The following ZNF831 variants were observed in gnomAD, a reference collection of about 807,000 sequenced individuals.
ZNF831 encodes the protein zinc finger protein 831.
Under a neutral mutation model 95.8 loss-of-function variants are expected in ZNF831, and 59 were observed. That is an observed-to-expected ratio of 0.62 (90% CI 0.50 to 0.77). The LOEUF (loss-of-function observed/expected upper bound fraction) is 0.77, where lower values mean the gene tolerates loss of function less well. Among genes scored for constraint, ZNF831 ranks in the 30% least tolerant of loss-of-function variants. ZNF831 has a pLI of 0.00. For synonymous variants in ZNF831, 961 were observed against 925.5 expected (o/e 1.04, Z -0.70); for missense variants, 2,205 against 2,164.0 (o/e 1.02, Z -0.38).
At chr20:59,194,909 T>C (rs950112947) in intron 2 of ZNF831, 152 bp downstream of exon 2, 25 of 1,142,040 alleles carry the variant, frequency 2.2e-5, no homozygotes, top group Non-Finnish European at 2.9e-5. Flanking sequence ...GGATACCACA[T>C]AGACAGCAGG....
At position 59,193,241 on chromosome 20, in the gene ZNF831, G is replaced by A. The variant is rs2146579480; in HGVS notation, c.2222G>A (p.Cys741Tyr). 1 of 1,603,096 alleles carries A rather than the reference G, an allele frequency of 6.2e-7. No individual in the cohort carries two copies. Residue 741 changes from cysteine to tyrosine, a missense_variant, in exon 2 of 6, where the codon TGT becomes TAT. Transcript: ENST00000371030. ...SPALGGRDSP[C>Y]SGSRSPLVSP... ...GCACTGGGTGGCAGAGACAGTCCCT[G>A]TTCAGGCAGTAGGAGCCCCCTGGTC...
intron 1 of ZNF831, among the ~76,000 whole-genome samples, chr20:59,178,764 T>C (rs1982370737): frequency 1.3e-5 from 2 of 152,232 alleles, no homozygotes; most frequent in Admixed American, 6.5e-5. Context: ...CAGGCATGTT[T>C]ACAGTTCATT....
rs1196845849 is a variant in ZNF831 at position 59,257,816 on chromosome 20, T to A, written c.*3073T>A. ...TAGTTAGAGGGATGCTGTCATGAAC[T>A]AAGGGAAGGGCACTGAATTTTTTTT... On this transcript the variant is annotated 3_prime_UTR_variant, in exon 6 of 6. Transcript: ENST00000371030. 6.6e-6 allele frequency: 1 copy of A among 152,200 alleles called. No homozygotes were observed. Among genetic ancestry groups the A allele is most frequent in the East Asian group, 1.9e-4 (1 of 5,196 alleles). The allele number at this position is 152,200 out of a possible 1,614,324, so 9.4% of individuals were successfully genotyped here. A position where few individuals can be genotyped will look rare whatever the true frequency, so the allele number is the denominator to read the frequency against.
intron 1 of ZNF831, among the ~76,000 whole-genome samples, chr20:59,175,803 A>C (rs1982109123): frequency 6.6e-6 from 1 of 152,188 alleles, no homozygotes; most frequent in Non-Finnish European, 1.5e-5. Flanking sequence ...TCGTGGTATG[A>C]CAAATGATTT....
intron 4 of ZNF831, among the ~76,000 whole-genome samples, chr20:59,244,681 A>G (rs1195349165): frequency 6.6e-6 from 1 of 152,238 alleles, no homozygotes. Context: ...ATAAACAAAT[A>G]CAGACAGACA....
chr20:59,148,400 G>GTGAGAGCAA (rs373914735), intron 2 of ZNF831, among the ~76,000 whole-genome samples: 6 of 143,840 alleles, frequency 4.2e-5, no homozygotes, highest in Admixed American at 6.7e-5. Context: ...AGAACAGAGC[G>GTGAGAGCAA]GCCGGGCGCG....
chr20:59,152,292 C>T (rs1243346581), intron 2 of ZNF831, among the ~76,000 whole-genome samples: 1 of 151,194 alleles, frequency 6.6e-6, no homozygotes, highest in Non-Finnish European at 1.5e-5. Flanking sequence ...CACAGGGACT[C>T]TGCTGCTGAG....
At chr20:59,205,053 T>C (rs1364967880) in intron 3 of ZNF831, among the ~76,000 whole-genome samples, 1 of 152,104 alleles carries the variant, frequency 6.6e-6, no homozygotes, top group Admixed American at 6.5e-5. Context: ...GCTCTCTCCT[T>C]GTTATTTTGC....
chr20:59,161,309 G>T (rs186553735), upstream of ZNF831, among the ~76,000 whole-genome samples: 1 of 151,232 alleles, frequency 6.6e-6, no homozygotes, highest in East Asian at 1.9e-4. Context: ...ATGGAGTCCC[G>T]CTCTGTAGTC....
chr20:59,228,288 G>C (rs1246059758), intron 4 of ZNF831, among the ~76,000 whole-genome samples: 1 of 152,132 alleles, frequency 6.6e-6, no homozygotes, highest in Non-Finnish European at 1.5e-5. Flanking sequence ...ATCTTGCTGG[G>C]TTTGCTCATT....
In ZNF831 at chr20:59,254,378, G is replaced by A. The variant is rs2146768723; in HGVS notation, c.4669G>A (p.Val1557Ile). Residue 1557 changes from valine to isoleucine, a missense_variant, in exon 6 of 6, where the codon GTT becomes ATT. By Grantham distance (29) the Val-to-Ile change is conservative. Transcript: ENST00000371030. The surrounding 1 kb of genome is among the most constrained non-coding windows in gnomAD (Gnocchi z 4.5). Reference sequence around the variant, plus strand: ...ATCTGGACAAAGAATTTCAGATTCGGTTCCACTGGAGTCAACTGAAAAAAC... The same window carrying A: ...ATCTGGACAAAGAATTTCAGATTCGATTCCACTGGAGTCAACTGAAAAAAC... Reference protein sequence around the residue: ...PSSGQRISDSVPLESTEKTHL... With the variant: ...PSSGQRISDSIPLESTEKTHL... 6.2e-7 allele frequency: 1 copy of A among 1,614,106 alleles called. No individual in the cohort carries two copies. The highest frequency in any genetic ancestry group is 1.3e-5 in the African/African-American group (1 of 75,026).
intron 1 of ZNF831, among the ~76,000 whole-genome samples, chr20:59,166,170 G>T (rs1387842271): frequency 6.6e-6 from 1 of 152,174 alleles, no homozygotes; most frequent in Non-Finnish European, 1.5e-5. Context: ...AAGAAAAAGT[G>T]AGTTGATATA....
intron 1 of ZNF831, among the ~76,000 whole-genome samples, chr20:59,165,754 CTTTTTTTCTTT>C (rs1022045471): frequency 6.6e-6 from 1 of 150,964 alleles, no homozygotes; most frequent in African/African-American, 2.4e-5. Context: ...TTTTTTTCTT[CTTTTTTTCTTT>C]TTTGGAGCTG....
intron 4 of ZNF831, among the ~76,000 whole-genome samples, chr20:59,216,932 G>A (rs1263981978): frequency 5.4e-5 from 8 of 149,450 alleles, no homozygotes; most frequent in Non-Finnish European, 1.2e-4. Flanking sequence ...TGACAGGTGG[G>A]GCACTTTTGT....
At chr20:59,156,831 A>G (rs1463266432) in intron 2 of ZNF831, among the ~76,000 whole-genome samples, 1 of 152,266 alleles carries the variant, frequency 6.6e-6, no homozygotes, top group Non-Finnish European at 1.5e-5. Context: ...TGTTGTTGCA[A>G]AGGCAGAATT....
intron 1 of ZNF831, among the ~76,000 whole-genome samples, chr20:59,178,977 C>T (rs1037577298): frequency 1.3e-5 from 2 of 152,152 alleles, no homozygotes; most frequent in South Asian, 2.1e-4. Flanking sequence ...CCCCATATGT[C>T]GTGTCCTTTT....
At chr20:59,248,018 T>G (rs1413753631) in intron 4 of ZNF831, among the ~76,000 whole-genome samples, 4 of 152,240 alleles carry the variant, frequency 2.6e-5, no homozygotes, top group Non-Finnish European at 5.9e-5. Flanking sequence ...GATGGCCACA[T>G]TTAAAATTGC....
chr20:59,252,345 C>T (rs903618354), intron 4 of ZNF831, among the ~76,000 whole-genome samples: 2 of 152,102 alleles, frequency 1.3e-5, no homozygotes, highest in African/African-American at 4.8e-5. Flanking sequence ...TGGAACCTGC[C>T]CTCTCTGAAA....
chr20:59,244,086 T>G (rs1987474206), intron 4 of ZNF831, among the ~76,000 whole-genome samples: 1 of 152,210 alleles, frequency 6.6e-6, no homozygotes, highest in Non-Finnish European at 1.5e-5. Context: ...AATGTTTTTT[T>G]GGAGAAAATG....
Sources: allele counts gnomAD v4.1 joint callset (sites outside exome capture counted in the v4.1 genomes callset), GRCh38; gene constraint gnomAD v4.1.1; non-coding constraint Gnocchi (gnomAD v3.1); transcripts MANE v1.5; gene names NCBI Gene and HGNC (gene_info 2026-07-23, HGNC 2026-07-21).